The following SLC5A4 variants were observed in gnomAD, a reference collection of about 807,000 sequenced individuals.
SLC5A4 encodes the protein probable glucose sensor protein SLC5A4.
Under a neutral mutation model 70.3 loss-of-function variants are expected in SLC5A4, and 55 were observed. The observed-to-expected ratio is 0.78, with a 90% CI of 0.63 to 0.98. SLC5A4 has a LOEUF of 0.98. Among genes scored for constraint, SLC5A4 ranks in the 50% least tolerant of loss-of-function variants. SLC5A4 has a pLI of 0.00. For missense variants in SLC5A4, 735 were observed against 839.2 expected (o/e 0.88, Z 1.53); for synonymous variants, 268 against 305.7 (o/e 0.88, Z 1.29).
intron 4 of SLC5A4, 51 bp downstream of exon 4, chr22:32,248,692 G>C: frequency 8.2e-7 from 1 of 1,214,318 alleles, no homozygotes; most frequent in South Asian, 1.2e-5. Context: ...TCTGTGCAGT[G>C]AGCAGCAGTG....
At chr22:32,311,136 C>G in the SLC5A4 span, among the ~76,000 whole-genome samples, 1 of 152,212 alleles carries the variant, frequency 6.6e-6, no homozygotes, top group African/African-American at 2.4e-5. Context: ...CACCCCAGGT[C>G]CACGAGGGTC....
chr22:32,224,826 A>G (rs544131841), intron 12 of SLC5A4, among the ~76,000 whole-genome samples: 8 of 152,330 alleles, frequency 5.3e-5, no homozygotes, highest in African/African-American at 1.9e-4. Context: ...AGAAGTATCA[A>G]TTATGTTACA....
At chr22:32,347,730 A>G in the SLC5A4 span, among the ~76,000 whole-genome samples, 1 of 150,592 alleles carries the variant, frequency 6.6e-6, no homozygotes, top group Admixed American at 6.6e-5. Flanking sequence ...GGGGAGGGAT[A>G]GTATTAGAAG....
chr22:32,350,071 T>G, the SLC5A4 span, among the ~76,000 whole-genome samples: 4 of 152,300 alleles, frequency 2.6e-5, no homozygotes, highest in East Asian at 7.7e-4. Flanking sequence ...CTTACACTTC[T>G]TGGGGGTCCA....
intron 5 of SLC5A4, among the ~76,000 whole-genome samples, chr22:32,247,208 A>G (rs1926879281): frequency 6.6e-6 from 1 of 152,186 alleles, no homozygotes; most frequent in Non-Finnish European, 1.5e-5. Context: ...TTAAAAGTCT[A>G]CCACTCTACG....
the SLC5A4 span, chr22:32,272,089 A>G: frequency 1.5e-6 from 1 of 651,896 alleles, no homozygotes; most frequent in Non-Finnish European, 2.8e-6. Context: ...CAGAAGTGGG[A>G]GCTTGTGACC....
chr22:32,284,952 G>C, the SLC5A4 span: 1 of 152,220 alleles, frequency 6.6e-6, no homozygotes, highest in Admixed American at 6.5e-5. Flanking sequence ...TGTTATATTT[G>C]TGTATTGGTT....
the SLC5A4 span, among the ~76,000 whole-genome samples, chr22:32,294,456 A>G: frequency 2.6e-5 from 4 of 152,272 alleles, no homozygotes; most frequent in Non-Finnish European, 5.9e-5. Context: ...CTACATTACA[A>G]TATCACAACT....
At chr22:32,227,438 G>A (rs1220073102) in intron 11 of SLC5A4, among the ~76,000 whole-genome samples, 3 of 152,184 alleles carry the variant, frequency 2.0e-5, no homozygotes, top group East Asian at 1.9e-4. Context: ...TGCCCCAAGT[G>A]TTTTAATTTA....
the SLC5A4 span, among the ~76,000 whole-genome samples, chr22:32,330,134 A>AG: frequency 1.4e-5 from 1 of 71,720 alleles, no homozygotes; most frequent in Non-Finnish European, 2.6e-5. Context: ...CTGATGTGTC[A>AG]GGGGGGCTCT....
intron 6 of SLC5A4, among the ~76,000 whole-genome samples, chr22:32,238,451 T>C (rs1184841145): frequency 6.6e-6 from 1 of 152,192 alleles, no homozygotes; most frequent in East Asian, 1.9e-4. Flanking sequence ...TGGTATACTT[T>C]AATTTTTATG....
chr22:32,353,690 C>A, the SLC5A4 span, among the ~76,000 whole-genome samples: 1 of 151,960 alleles, frequency 6.6e-6, no homozygotes, highest in East Asian at 1.9e-4. Flanking sequence ...CAATGGCGAC[C>A]CCAACCTGCC....
At chr22:32,235,770 C>T (rs1569372114) in intron 7 of SLC5A4, among the ~76,000 whole-genome samples, 1 of 152,082 alleles carries the variant, frequency 6.6e-6, no homozygotes, top group Non-Finnish European at 1.5e-5. Flanking sequence ...CTTAGTATAG[C>T]TTTAAATGAT....
intron 9 of SLC5A4, 50 bp downstream of exon 9, chr22:32,232,849 A>C (rs1011107625): frequency 2.6e-6 from 4 of 1,553,726 alleles, no homozygotes; most frequent in Non-Finnish European, 2.6e-6. Context: ...AAAAACACTT[A>C]TCAGAATACA....
At chr22:32,294,436 T>C in the SLC5A4 span, among the ~76,000 whole-genome samples, 172 of 152,284 alleles carry the variant, frequency 1.1e-3, 3 homozygotes, top group Admixed American at 7.8e-3. Context: ...AGCTGCAACA[T>C]CTTGCAAAAC....
At chr22:32,251,149 C>CAAAAAAAAAA (rs1169115054) in intron 3 of SLC5A4, among the ~76,000 whole-genome samples, 18 of 22,768 alleles carry the variant, frequency 7.9e-4, no homozygotes, top group Non-Finnish European at 9.2e-4. Context: ...AACAAATAAG[C>CAAAAAAAAAA]AAAAAAAAAA....
At chr22:32,256,704 A>G (rs1011863477), upstream of SLC5A4, among the ~76,000 whole-genome samples, 1 of 152,226 alleles carries the variant, frequency 6.6e-6, no homozygotes, top group African/African-American at 2.4e-5. Context: ...TTCACTTAGT[A>G]TGACATTTTC....
the SLC5A4 span, among the ~76,000 whole-genome samples, chr22:32,338,999 G>A: frequency 9.9e-5 from 15 of 152,156 alleles, no homozygotes; most frequent in Non-Finnish European, 4.4e-5. Flanking sequence ...TAAATGCCCC[G>A]CTGTAGGGAA....
chr22:32,244,709 G>T (rs1449466139), intron 5 of SLC5A4, among the ~76,000 whole-genome samples: 2 of 151,282 alleles, frequency 1.3e-5, no homozygotes, highest in African/African-American at 4.9e-5. Context: ...TTTTTTTTTT[G>T]GTAGAGATAA....
Sources: gnomAD v4.1 joint callset for allele counts (sites outside exome capture counted in the v4.1 genomes callset) on GRCh38, gnomAD v4.1.1 for gene constraint, MANE v1.5 for transcripts, NCBI Gene and HGNC (gene_info 2026-07-23, HGNC 2026-07-21) for gene names.